The following FAM110B variants were observed in gnomAD, a reference collection of about 807,000 sequenced individuals.
FAM110B encodes the protein protein FAM110B.
A neutral mutation model predicts 20.4 loss-of-function variants in FAM110B; 6 were observed. The ratio of observed to expected loss-of-function variants is 0.29; its 90% CI spans 0.16 to 0.58. The LOEUF (loss-of-function observed/expected upper bound fraction) is 0.58, where lower values mean the gene tolerates loss of function less well. Among genes scored for constraint, FAM110B ranks in the 20% least tolerant of loss-of-function variants. FAM110B has a pLI of 0.90. For synonymous variants in FAM110B, 226 were observed against 214.1 expected (o/e 1.06, Z -0.49); for missense variants, 434 against 498.2 (o/e 0.87, Z 1.23).
At chr8:58,100,780 A>C (rs937613906) in intron 3 of FAM110B, 6 of 152,230 alleles carry the variant, frequency 3.9e-5, no homozygotes, top group African/African-American at 1.4e-4. Flanking sequence ...CAAATGGAGA[A>C]TGTTATAGTA....
chr8:58,041,376 C>T (rs372340733), intron 2 of FAM110B, among the ~76,000 whole-genome samples: 21 of 152,350 alleles, frequency 1.4e-4, no homozygotes, highest in African/African-American at 5.1e-4. Flanking sequence ...ATAGTTCCCA[C>T]TCTTCTCCTA....
At chr8:58,122,219 C>T (rs2150627846) in intron 3 of FAM110B, among the ~76,000 whole-genome samples, 1 of 152,170 alleles carries the variant, frequency 6.6e-6, no homozygotes, top group East Asian at 1.9e-4. Context: ...CCTGAATGTG[C>T]CCAGATTTTT....
At chr8:58,030,551 A>G (rs1293631598) in intron 1 of FAM110B, among the ~76,000 whole-genome samples, 2 of 108,910 alleles carry the variant, frequency 1.8e-5, no homozygotes, top group Non-Finnish European at 3.6e-5. Context: ...ACGCTGGCAT[A>G]GATCTTAATG....
At chr8:58,073,156 A>G (rs1805947726) in intron 2 of FAM110B, among the ~76,000 whole-genome samples, 1 of 152,232 alleles carries the variant, frequency 6.6e-6, no homozygotes, top group Admixed American at 6.5e-5. Flanking sequence ...ACTTAACCAT[A>G]TGCTAAGCTC....
chr8:58,053,102 A>G (rs1249367644), intron 2 of FAM110B, among the ~76,000 whole-genome samples: 2 of 152,140 alleles, frequency 1.3e-5, no homozygotes, highest in Non-Finnish European at 2.9e-5. Context: ...ATGGACTCTT[A>G]CTGCTGTGAT....
At position 58,130,818 on chromosome 8, in the gene FAM110B, C is replaced by T. The variant is rs140075943; in HGVS notation, c.-324-15089C>T. Among the ~76,000 whole-genome samples, 357 of 152,334 alleles carry T rather than the reference C, an allele frequency of 2.3e-3. 4 individuals are homozygous for T. Among genetic ancestry groups the T allele is most frequent in the African/African-American group, 8.2e-3 (340 of 41,560 alleles). On this transcript the variant is annotated intron_variant, in intron 3 of 3. Coordinates refer to ENST00000519262, the MANE Select transcript of FAM110B (RefSeq NM_001377989.1). ...TCTGTCTTACAGATGATGAAATTAT[C>T]ACTCATCAGATGATTTGCTTCTGCC...
chr8:58,102,574 A>G (rs1433097704), intron 3 of FAM110B, among the ~76,000 whole-genome samples: 1 of 152,134 alleles, frequency 6.6e-6, no homozygotes, highest in Admixed American at 6.5e-5. Context: ...TGGTATGTCT[A>G]TTGCTTTTGT....
chr8:58,058,011 G>A (rs566350574), intron 2 of FAM110B, among the ~76,000 whole-genome samples: 1 of 152,352 alleles, frequency 6.6e-6, no homozygotes, highest in Non-Finnish European at 1.5e-5. Context: ...GCCGTGGGGA[G>A]AGGCTATTTT....
intron 1 of FAM110B, among the ~76,000 whole-genome samples, chr8:58,023,074 G>T (rs1163773867): frequency 6.6e-6 from 1 of 152,184 alleles, no homozygotes; most frequent in East Asian, 1.9e-4. Flanking sequence ...ATACTTGGAA[G>T]GATGGAAAAC....
At chr8:58,097,622 G>A (rs1806666852) in intron 3 of FAM110B, among the ~76,000 whole-genome samples, 1 of 152,146 alleles carries the variant, frequency 6.6e-6, no homozygotes, top group Non-Finnish European at 1.5e-5. Flanking sequence ...AGGAGAAGAG[G>A]CGTTCTGGTT....
chr8:58,003,095 G>A (rs1015585045), intron 1 of FAM110B, among the ~76,000 whole-genome samples: 1 of 152,220 alleles, frequency 6.6e-6, no homozygotes, highest in Non-Finnish European at 1.5e-5. Flanking sequence ...TAAATTGTTT[G>A]TTGTCCTTTC....
chr8:58,139,570 T>C (rs1803695140), intron 3 of FAM110B, among the ~76,000 whole-genome samples: 1 of 152,194 alleles, frequency 6.6e-6, no homozygotes, highest in African/African-American at 2.4e-5. Context: ...TCTTTACAAG[T>C]TATGCTCACA....
At chr8:58,009,316 A>G (rs1804479824) in intron 1 of FAM110B, among the ~76,000 whole-genome samples, 1 of 152,212 alleles carries the variant, frequency 6.6e-6, no homozygotes, top group South Asian at 2.1e-4. Context: ...GGAGAACACA[A>G]AAGGCACTGG....
intron 1 of FAM110B, among the ~76,000 whole-genome samples, chr8:58,014,117 C>T (rs1231695625): frequency 2.0e-5 from 3 of 152,162 alleles, no homozygotes; most frequent in Admixed American, 6.5e-5. Flanking sequence ...TAACCCATGT[C>T]AGTTCTTCCT....
rs1259007598 is a variant in FAM110B at position 58,146,783 on chromosome 8, C to T, written c.553C>T (p.Leu185=). 4 of 1,610,994 alleles carry T rather than the reference C, an allele frequency of 2.5e-6. No homozygotes were observed. In the South Asian group the frequency reaches 3.3e-5, roughly 13 times the overall value. The change falls in exon 4 of 4, where the codon CTG becomes TTG. Residue 185 remains leucine (L), a synonymous_variant. Transcript: ENST00000519262. ...QEGGSHVGRR[L]LEQSAESFLH... Reference sequence around the variant, plus strand: ...GGGCGGCTCCCACGTGGGCAGGAGACTGCTGGAGCAGTCAGCCGAGTCCTT... The same window carrying T: ...GGGCGGCTCCCACGTGGGCAGGAGATTGCTGGAGCAGTCAGCCGAGTCCTT...
chr8:58,093,091 G>A (rs1451959030), intron 3 of FAM110B, among the ~76,000 whole-genome samples: 1 of 152,094 alleles, frequency 6.6e-6, no homozygotes, highest in Admixed American at 6.5e-5. Flanking sequence ...TTTTGATGGG[G>A]TCGTTTGTGG....
chr8:58,004,244 TA>T (rs1261095147), intron 1 of FAM110B, among the ~76,000 whole-genome samples: 7 of 152,230 alleles, frequency 4.6e-5, no homozygotes, highest in African/African-American at 1.4e-4. Flanking sequence ...GCCTAGTTCC[TA>T]AACCCAGGGA....
chr8:58,114,922 C>A (rs938886755), intron 3 of FAM110B, among the ~76,000 whole-genome samples: 4 of 152,092 alleles, frequency 2.6e-5, no homozygotes, highest in Non-Finnish European at 5.9e-5. Flanking sequence ...TGATGAAGGG[C>A]AGCAAGGGAG....
At chr8:58,046,542 A>T (rs1805323016) in intron 2 of FAM110B, among the ~76,000 whole-genome samples, 1 of 152,202 alleles carries the variant, frequency 6.6e-6, no homozygotes, top group Non-Finnish European at 1.5e-5. Context: ...ACTACAACAT[A>T]GTCATCCATT....
Sources: allele counts gnomAD v4.1 joint callset (sites outside exome capture counted in the v4.1 genomes callset), GRCh38; gene constraint gnomAD v4.1.1; transcripts MANE v1.5; gene names NCBI Gene and HGNC (gene_info 2026-07-23, HGNC 2026-07-21).